Variants in CYYR1 observed in about 807,000 individuals in gnomAD.
CYYR1 encodes the protein cysteine and tyrosine-rich protein 1.
Under a neutral mutation model 15.2 loss-of-function variants are expected in CYYR1, and 14 were observed. That is an observed-to-expected ratio of 0.92 (90% CI 0.61 to 1.44). CYYR1 has a LOEUF of 1.44. CYYR1 is among the 40% of genes most tolerant of loss of function. CYYR1 has a pLI of 0.00. For missense variants in CYYR1, 228 were observed against 209.5 expected, an observed-to-expected ratio of 1.09 and a Z score of -0.54; for synonymous variants, 80 against 77.4, an observed-to-expected ratio of 1.03 and a Z score of -0.18.
intron 2 of CYYR1, among the ~76,000 whole-genome samples, chr21:26,511,346 A>G (rs2065645581): frequency 6.6e-6 from 1 of 152,242 alleles, no homozygotes. Context: ...TAACCAACAC[A>G]TAAAAACCTA....
At chr21:26,512,681 T>C (rs751243035) in intron 2 of CYYR1, among the ~76,000 whole-genome samples, 1 of 152,212 alleles carries the variant, frequency 6.6e-6, no homozygotes, top group East Asian at 1.9e-4. Context: ...TAAAATTTTA[T>C]TGGGACACAT....
chr21:26,489,589 A>G (rs567372370), intron 2 of CYYR1, among the ~76,000 whole-genome samples: 1 of 151,860 alleles, frequency 6.6e-6, no homozygotes, highest in East Asian at 1.9e-4. Flanking sequence ...TAATATATAT[A>G]ATATAAGATA....
intron 2 of CYYR1, among the ~76,000 whole-genome samples, chr21:26,514,216 G>A (rs533150528): frequency 2.0e-5 from 3 of 152,192 alleles, no homozygotes; most frequent in South Asian, 4.1e-4. Context: ...GAAAGTTATT[G>A]CTCTAATTTG....
At chr21:26,571,183 A>C (rs1342901206) in intron 1 of CYYR1, among the ~76,000 whole-genome samples, 1 of 152,238 alleles carries the variant, frequency 6.6e-6, no homozygotes, top group Non-Finnish European at 1.5e-5. Context: ...TACCTCACTC[A>C]GTAAGTAATA....
intron 2 of CYYR1, among the ~76,000 whole-genome samples, chr21:26,521,691 G>T (rs2123563203): frequency 6.6e-6 from 1 of 152,182 alleles, no homozygotes; most frequent in East Asian, 1.9e-4. Flanking sequence ...TGTTTCATTT[G>T]GGTCATGGAT....
At chr21:26,484,206 A>C (rs1053121745) in intron 2 of CYYR1, among the ~76,000 whole-genome samples, 2 of 152,124 alleles carry the variant, frequency 1.3e-5, no homozygotes, top group African/African-American at 4.8e-5. Context: ...GGGACTACAC[A>C]AAAGCCCAAG....
At chr21:26,504,456 G>C (rs2065527423) in intron 2 of CYYR1, among the ~76,000 whole-genome samples, 1 of 151,958 alleles carries the variant, frequency 6.6e-6, no homozygotes, top group Admixed American at 6.6e-5. Context: ...ATCTTTAGTA[G>C]AGATGGGGTT....
chr21:26,477,401 G>A (rs535181232), intron 3 of CYYR1, among the ~76,000 whole-genome samples: 2 of 152,194 alleles, frequency 1.3e-5, no homozygotes, highest in South Asian at 4.1e-4. Context: ...TTCAGCATGA[G>A]GTTCATTATG....
intron 2 of CYYR1, among the ~76,000 whole-genome samples, chr21:26,508,447 G>C (rs988051496): frequency 1.3e-5 from 2 of 152,066 alleles, no homozygotes; most frequent in Non-Finnish European, 2.9e-5. Flanking sequence ...TGAGGGGGTA[G>C]GTAAAAGAAA....
At chr21:26,517,347 A>G (rs932146756) in intron 2 of CYYR1, among the ~76,000 whole-genome samples, 8 of 152,212 alleles carry the variant, frequency 5.3e-5, no homozygotes, top group African/African-American at 1.2e-4. Flanking sequence ...TCTTTCAAGT[A>G]TCTTGTCAGA....
intron 2 of CYYR1, among the ~76,000 whole-genome samples, chr21:26,536,798 G>C (rs1978306797): frequency 6.6e-6 from 1 of 152,076 alleles, no homozygotes; most frequent in Non-Finnish European, 1.5e-5. Context: ...TTGATCTTCT[G>C]CATTCTCCCC....
At chr21:26,529,241 T>C (rs967286315) in intron 2 of CYYR1, among the ~76,000 whole-genome samples, 1 of 152,232 alleles carries the variant, frequency 6.6e-6, no homozygotes, top group Non-Finnish European at 1.5e-5. Flanking sequence ...TCAAAGTCCA[T>C]TCTATGTTTA....
At chr21:26,544,219 C>T (rs1978786643) in intron 2 of CYYR1, among the ~76,000 whole-genome samples, 1 of 152,180 alleles carries the variant, frequency 6.6e-6, no homozygotes, top group South Asian at 2.1e-4. Context: ...TACAGGAAAA[C>T]TGTTCAGCTG....
At chr21:26,529,470 T>C (rs537068429) in intron 2 of CYYR1, among the ~76,000 whole-genome samples, 85 of 152,350 alleles carry the variant, frequency 5.6e-4, no homozygotes, top group African/African-American at 2.0e-3. Context: ...CACAATTTTA[T>C]ATAAATTTCA....
chr21:26,524,104 AG>A (rs1173725637), intron 2 of CYYR1, among the ~76,000 whole-genome samples: 10 of 152,152 alleles, frequency 6.6e-5, no homozygotes, highest in Non-Finnish European at 1.3e-4. Flanking sequence ...TTTCATTTGT[AG>A]GTTAAGGGTG....
rs930241792 is a variant in CYYR1, at chr21:26,477,739, C to T, written c.334+2533G>A. The T allele has an allele frequency of 1.1e-5, 11 of 984,918 alleles. No individual in the cohort carries two copies. The African/African-American group carries it at 1.9e-4, about 17-fold the overall frequency. The allele number at this position is 984,918 out of a possible 1,614,324, so 61.0% of individuals were successfully genotyped here. A position where few individuals can be genotyped will look rare whatever the true frequency, so the allele number is the denominator to read the frequency against. ...GTTATCTGCAAAGCAATTCTTCATA[C>T]CTTCTCTACAATTAATGTCTTTGCT... On this transcript the variant is annotated intron_variant, in intron 3 of 3. Transcript: ENST00000652641.
rs1230675894 is a variant in CYYR1 at position 26,573,091 on chromosome 21, G to T, written c.-151C>A. The T allele has an allele frequency of 1.3e-6, 2 of 1,528,936 alleles. No homozygotes were observed. The highest frequency in any genetic ancestry group is 2.0e-5 in the Admixed American group (1 of 49,558). 94.7% of individuals were successfully genotyped at this position (1,528,936 alleles called of 1,614,324 possible). A position where few individuals can be genotyped will look rare whatever the true frequency, so the allele number is the denominator to read the frequency against. ...ATTGCCTAGGGAGCCTTCCAAGGGA[G>T]CCCGGGCCGGGCGCGTCCCGGGCCA... On this transcript the variant is annotated 5_prime_UTR_variant, in exon 1 of 4. Coordinates refer to ENST00000652641, the MANE Select transcript of CYYR1 (RefSeq NM_001320768.2).
At chr21:26,490,655 G>A (rs943182917) in intron 2 of CYYR1, among the ~76,000 whole-genome samples, 5 of 152,160 alleles carry the variant, frequency 3.3e-5, no homozygotes, top group African/African-American at 1.2e-4. Flanking sequence ...CACAACTCAC[G>A]TGTTTTGAAG....
At chr21:26,486,956 T>C (rs182711511) in intron 2 of CYYR1, among the ~76,000 whole-genome samples, 17 of 152,176 alleles carry the variant, frequency 1.1e-4, no homozygotes, top group Admixed American at 3.3e-4. Flanking sequence ...TACAAATGCA[T>C]TTTATAAAAC....
Sources: allele counts gnomAD v4.1 joint callset (sites outside exome capture counted in the v4.1 genomes callset), GRCh38; gene constraint gnomAD v4.1.1; transcripts MANE v1.5; gene names NCBI Gene and HGNC (gene_info 2026-07-23, HGNC 2026-07-21).